Variants in RICTOR observed in about 807,000 individuals in gnomAD.
RICTOR encodes the protein rapamycin-insensitive companion of mTOR.
In RICTOR, 49 loss-of-function variants were observed where a neutral mutation model predicts 214.9. That is an observed-to-expected ratio of 0.23 (90% confidence interval 0.18 to 0.29). The LOEUF (loss-of-function observed/expected upper bound fraction) is 0.29. Ranked by LOEUF, RICTOR falls within the 10% of genes least tolerant of loss-of-function variation. The pLI, the probability that RICTOR is intolerant of heterozygous loss-of-function variation, is 1.00. For missense variants in RICTOR, 1,625 were observed against 2,047.0 expected, an observed-to-expected ratio of 0.79 and a Z score of 3.98; for synonymous variants, 717 against 711.3, an observed-to-expected ratio of 1.01 and a Z score of -0.13.
chr5:39,053,994 A>C (rs1049237897), intron 2 of RICTOR, among the ~76,000 whole-genome samples: 1 of 152,098 alleles, frequency 6.6e-6, no homozygotes, highest in Non-Finnish European at 1.5e-5. Context: ...AGGCAGAAGA[A>C]TCACTTGAAC....
intron 2 of RICTOR, among the ~76,000 whole-genome samples, chr5:39,034,573 A>G (rs565596510): frequency 6.6e-6 from 1 of 152,336 alleles, no homozygotes; most frequent in South Asian, 2.1e-4. Context: ...TAGTCAAAGA[A>G]AGGGGTGACA....
At position 38,938,131 on chromosome 5, in the gene RICTOR, A is replaced by C. The variant is rs1056663146; in HGVS notation, c.*4173T>G. 1.9e-5 allele frequency: 4 copies of C among 213,072 alleles called. No homozygotes were observed. Among genetic ancestry groups the C allele is most frequent in the African/African-American group, 9.1e-5 (4 of 44,184 alleles). 13.2% of individuals were successfully genotyped at this position (213,072 alleles called of 1,614,324 possible). A position where few individuals can be genotyped will look rare whatever the true frequency, so the allele number is the denominator to read the frequency against. On this transcript the variant is annotated 3_prime_UTR_variant, in exon 38 of 38. Coordinates refer to ENST00000357387, the MANE Select transcript of RICTOR (RefSeq NM_152756.5). ...GAAATATTCTTACAGAAAAAATATA[A>C]ATACTTTTTCTTTCTATGTTACAGT...
chr5:39,060,683 T>C (rs773548784), intron 2 of RICTOR, among the ~76,000 whole-genome samples: 1 of 152,042 alleles, frequency 6.6e-6, no homozygotes, highest in Non-Finnish European at 1.5e-5. Flanking sequence ...GAAACAACTG[T>C]ATAGAAATGG....
At chr5:38,996,387 C>T (rs1335397116) in intron 6 of RICTOR, among the ~76,000 whole-genome samples, 1 of 152,208 alleles carries the variant, frequency 6.6e-6, no homozygotes, top group African/African-American at 2.4e-5. Flanking sequence ...TTTATTGCAA[C>T]TGCCCACAGA....
At chr5:38,962,695 A>T in intron 17 of RICTOR, 109 bp from the exon 18 acceptor site, 9 of 810,074 alleles carry the variant, frequency 1.1e-5, no homozygotes, top group Non-Finnish European at 1.7e-5. Flanking sequence ...TTAAGGATAG[A>T]TCAAGGTTTT....
intron 36 of RICTOR, 98 bp from the exon 37 acceptor site, chr5:38,943,069 A>C: frequency 3.7e-6 from 3 of 810,532 alleles, no homozygotes; most frequent in Non-Finnish European, 6.0e-6. Flanking sequence ...TTCCCTACAG[A>C]TATGGATTAG....
rs1465478770 is a variant in RICTOR, at chr5:38,940,299, A to G, written c.*2005T>C. 3 of 231,804 alleles carry G rather than the reference A, an allele frequency of 1.3e-5. No homozygotes were observed. In the Admixed American group the frequency reaches 1.7e-4, roughly 13 times the overall value. The allele number at this position is 231,804 out of a possible 1,614,324, so 14.4% of individuals were successfully genotyped here. ...TTACTGTTAACTTTTGAGGGATTAA[A>G]CCACAGATTTTTATACTCTATATTA... On this transcript the variant is annotated 3_prime_UTR_variant, in exon 38 of 38. Coordinates refer to ENST00000357387, the MANE Select transcript of RICTOR (RefSeq NM_152756.5).
intron 31 of RICTOR, chr5:38,949,398 C>T (rs974036736): frequency 4.4e-6 from 7 of 1,591,786 alleles, no homozygotes; most frequent in East Asian, 2.2e-5. Context: ...GCTCCTGATT[C>T]CCCCGACATG....
At chr5:39,034,342 A>C (rs1422280333) in intron 2 of RICTOR, among the ~76,000 whole-genome samples, 1 of 152,222 alleles carries the variant, frequency 6.6e-6, no homozygotes, top group African/African-American at 2.4e-5. Context: ...GGGTGGAGCC[A>C]AGATGGCCGA....
chr5:38,990,665 A>C (rs376105199), intron 7 of RICTOR, among the ~76,000 whole-genome samples: 1 of 8,774 alleles, frequency 1.1e-4, no homozygotes, highest in Non-Finnish European at 4.6e-4. Flanking sequence ...GATATATATC[A>C]GATATATATC....
At chr5:38,985,716 G>A (rs1282791438) in intron 7 of RICTOR, among the ~76,000 whole-genome samples, 9 of 147,852 alleles carry the variant, frequency 6.1e-5, no homozygotes, top group Non-Finnish European at 7.4e-5. Context: ...TTTTTTTTGA[G>A]ACGGAGTCTC....
chr5:38,949,955 C>G lies in RICTOR; in HGVS notation c.3893G>C (p.Arg1298Thr), dbSNP rs1296036692. The change falls in exon 31 of 38, where the codon AGA becomes ACA. Residue 1298 changes from arginine to threonine, a missense_variant. Arg to Thr is a moderately conservative substitution (Grantham distance 71, BLOSUM62 -1). Coordinates refer to ENST00000357387, the MANE Select transcript of RICTOR (RefSeq NM_152756.5). Reference protein sequence around the residue: ...VPPGSSHTLPRRAQSLKAPSI... With the variant: ...VPPGSSHTLPTRAQSLKAPSI... ...GGGTGCTTTAAGGGACTGTGCTCTT[C>G]TAGGAAGCGTATGAGAAGAACCTGG... 6.2e-7 allele frequency: 1 copy of G among 1,613,462 alleles called. No homozygotes were observed. Among genetic ancestry groups the G allele is most frequent in the Admixed American group, 1.7e-5 (1 of 59,916 alleles).
chr5:39,024,206 T>C (rs1347404091), intron 2 of RICTOR, among the ~76,000 whole-genome samples: 1 of 152,238 alleles, frequency 6.6e-6, no homozygotes, highest in African/African-American at 2.4e-5. Context: ...ACTCCCCTGC[T>C]GCTCACTGCC....
At chr5:39,005,901 G>A (rs1754017085) in intron 3 of RICTOR, among the ~76,000 whole-genome samples, 1 of 152,132 alleles carries the variant, frequency 6.6e-6, no homozygotes, top group African/African-American at 2.4e-5. Flanking sequence ...AGTCCAAGGA[G>A]GATGAAAAAT....
Position 38,964,261 on chromosome 5 carries a change from G to C in RICTOR, c.1400+531C>G, listed in dbSNP as rs1579932297. ...ACCTTTTATATATATTTTATTATTA[G>C]CACTGGAATTCCAGCAGAGCTACAA... On this transcript the variant is annotated intron_variant, in intron 16 of 37. Coordinates refer to ENST00000357387, the MANE Select transcript of RICTOR (RefSeq NM_152756.5). Among the ~76,000 whole-genome samples the C allele has an allele frequency of 2.0e-5, 3 of 151,560 alleles. No homozygotes were observed. In the South Asian group the frequency reaches 6.2e-4, roughly 31 times the overall value.
intron 2 of RICTOR, among the ~76,000 whole-genome samples, chr5:39,028,411 T>A (rs1474714168): frequency 6.6e-6 from 1 of 151,876 alleles, no homozygotes; most frequent in Admixed American, 6.6e-5. Context: ...CTCGATCTCC[T>A]GACCTCGTGA....
rs1402213531 is a variant in RICTOR, at chr5:38,946,524, T to G, written c.4343A>C (p.Lys1448Thr). Residue 1448 changes from lysine to threonine, a missense_variant, in exon 33 of 38, where the codon AAA (lysine) becomes ACA (threonine). Lys to Thr is a moderately conservative substitution (Grantham distance 78). Around this residue, in one of 5 missense-constraint regions of RICTOR, gnomAD observed 1,214 missense variants for 1,470.5 expected, o/e 0.83. Transcript: ENST00000357387. ...QVKDIPYFQT[K>T]NIPPHDDRGA... is the part of the protein sequence containing the mutation. ...TCGATCATCATGTGGTGGTATGTTT[T>G]TTGTCTGAAAATAGGGAATATCCTT... 3 of 1,611,006 alleles carry G rather than the reference T, an allele frequency of 1.9e-6. No individual in the cohort carries two copies. Among genetic ancestry groups the G allele is most frequent in the Admixed American group, 1.7e-5 (1 of 59,984 alleles).
Position 38,949,382 on chromosome 5 carries a change from T to C in RICTOR, c.4136+330A>G, listed in dbSNP as rs561899231. 36 of 1,591,774 alleles carry C rather than the reference T, an allele frequency of 2.3e-5. 1 individual carries two copies. In the South Asian group the frequency reaches 3.9e-4, roughly 17 times the overall value. ...TGAAAAGGTTGTTTGTTATTGTAGGTCTTAAGCTCCTGATTCCCCCGACAT... is the reference window on the plus strand; with the variant it reads ...TGAAAAGGTTGTTTGTTATTGTAGGCCTTAAGCTCCTGATTCCCCCGACAT... On this transcript the variant is annotated intron_variant, in intron 31 of 37. Transcript: ENST00000357387.
At chr5:39,027,211 C>T (rs1755896415) in intron 2 of RICTOR, among the ~76,000 whole-genome samples, 1 of 151,844 alleles carries the variant, frequency 6.6e-6, no homozygotes, top group South Asian at 2.1e-4. Context: ...CTTAATTACC[C>T]CCAAGGAGAT....
Sources: gnomAD v4.1 joint callset for allele counts (sites outside exome capture counted in the v4.1 genomes callset) on GRCh38, gnomAD v4.1.1 for gene constraint, gnomAD v4.1.1 regional missense constraint, MANE v1.5 for transcripts, NCBI Gene and HGNC (gene_info 2026-07-23, HGNC 2026-07-21) for gene names.